The following LRRC7 variants were observed in gnomAD, a reference collection of about 807,000 sequenced individuals.
LRRC7 encodes leucine rich repeat containing 7, also known as leucine-rich repeat-containing protein 7.
A neutral mutation model predicts 175.7 loss-of-function variants in LRRC7; 23 were observed. The ratio of observed to expected loss-of-function variants is 0.13; its 90% CI spans 0.09 to 0.19. The LOEUF (loss-of-function observed/expected upper bound fraction) is 0.19, where lower values mean the gene tolerates loss of function less well. Among genes scored for constraint, LRRC7 ranks in the 10% least tolerant of loss-of-function variants. LRRC7 has a pLI of 1.00. For missense variants in LRRC7, 1,354 were observed against 1,904.7 expected (o/e 0.71, Z 5.38); for synonymous variants, 685 against 680.9 (o/e 1.01, Z -0.09).
At chr1:69,643,415 C>A (rs1247194418) in intron 1 of LRRC7, among the ~76,000 whole-genome samples, 1 of 152,086 alleles carries the variant, frequency 6.6e-6, no homozygotes, top group Non-Finnish European at 1.5e-5. Context: ...CAGAACCTGG[C>A]CAACTGCCAG....
At chr1:69,982,146 T>G (rs1265148534) in intron 9 of LRRC7, among the ~76,000 whole-genome samples, 1 of 152,206 alleles carries the variant, frequency 6.6e-6, no homozygotes, top group African/African-American at 2.4e-5. Context: ...CTCAATAAGT[T>G]TGTTATTTAA....
intron 2 of LRRC7, among the ~76,000 whole-genome samples, chr1:69,682,468 C>T (rs1346196866): frequency 6.6e-6 from 1 of 152,098 alleles, no homozygotes; most frequent in African/African-American, 2.4e-5. Flanking sequence ...TTTCAATGCT[C>T]ATCTTACTTG....
intron 22 of LRRC7, 151 bp downstream of exon 22, chr1:70,044,245 C>G: frequency 1.6e-6 from 1 of 625,672 alleles, no homozygotes; most frequent in Non-Finnish European, 2.6e-6. Flanking sequence ...AGAGCCTGAA[C>G]TCTTAGCCGC....
intron 2 of LRRC7, among the ~76,000 whole-genome samples, chr1:69,681,272 C>T (rs1015766074): frequency 3.3e-5 from 5 of 152,078 alleles, no homozygotes; most frequent in East Asian, 1.9e-4. Flanking sequence ...GTGCCACCTT[C>T]GAAAACTATC....
chr1:69,859,851 C>G (rs1684171258), intron 7 of LRRC7, among the ~76,000 whole-genome samples: 1 of 151,848 alleles, frequency 6.6e-6, no homozygotes, highest in African/African-American at 2.4e-5. Flanking sequence ...AGAACTTACT[C>G]AAATTAATTA....
chr1:70,035,403 G>C (rs1053656523), intron 18 of LRRC7, among the ~76,000 whole-genome samples: 1 of 151,920 alleles, frequency 6.6e-6, no homozygotes, highest in Admixed American at 6.6e-5. Flanking sequence ...AGTTATAGTC[G>C]TGTATCGATG....
intron 2 of LRRC7, among the ~76,000 whole-genome samples, chr1:69,685,395 C>G (rs1015463067): frequency 1.3e-5 from 2 of 152,048 alleles, no homozygotes; most frequent in Non-Finnish European, 1.5e-5. Flanking sequence ...GACCCCAATA[C>G]TAAGACAAAT....
At chr1:70,034,179 C>T (rs1294616029) in intron 18 of LRRC7, among the ~76,000 whole-genome samples, 1 of 152,058 alleles carries the variant, frequency 6.6e-6, no homozygotes, top group Non-Finnish European at 1.5e-5. Flanking sequence ...AAACTCATAT[C>T]TTCTTATAAA....
intron 7 of LRRC7, among the ~76,000 whole-genome samples, chr1:69,847,887 T>G (rs552250377): frequency 6.6e-5 from 10 of 152,268 alleles, no homozygotes; most frequent in African/African-American, 2.4e-4. Context: ...TGCTCACAGC[T>G]TTCAGAAGAC....
At chr1:69,979,399 C>G (rs980921146) in intron 8 of LRRC7, among the ~76,000 whole-genome samples, 1 of 152,038 alleles carries the variant, frequency 6.6e-6, no homozygotes, top group African/African-American at 2.4e-5. Context: ...GTCTGCTGCC[C>G]GAAGTTAGAA....
In LRRC7 at chr1:70,130,119, G is replaced by GT. The variant is rs956251987; in HGVS notation, c.*8238dup. ...CACTACCATATTAATTTTTTCTTATGTTTTTTAGTATCTTTCCCATTCTGC... is the reference window on the plus strand; with the variant it reads ...CACTACCATATTAATTTTTTCTTATGTTTTTTTAGTATCTTTCCCATTCTGC... On this transcript the variant is annotated 3_prime_UTR_variant, in exon 27 of 27. Transcript: ENST00000651989. 84 of 152,180 alleles carry GT rather than the reference G, an allele frequency of 5.5e-4. No homozygotes were observed. Among genetic ancestry groups the GT allele is most frequent in the African/African-American group, 2.0e-3 (83 of 41,516 alleles). The allele number at this position is 152,180 out of a possible 1,614,324, so 9.4% of individuals were successfully genotyped here.
chr1:69,745,183 T>C (rs2100871924), intron 2 of LRRC7, among the ~76,000 whole-genome samples: 1 of 152,032 alleles, frequency 6.6e-6, no homozygotes, highest in South Asian at 2.1e-4. Flanking sequence ...CAGTGAATGG[T>C]GAAAAAATAG....
rs1238531692 is a variant in LRRC7 at position 69,717,818 on chromosome 1, GAA to G, written c.100+39342_100+39343del. Among the ~76,000 whole-genome samples, 184 of 24,054 alleles carry G rather than the reference GAA, an allele frequency of 7.6e-3. 8 individuals are homozygous for G. The highest frequency in any genetic ancestry group is 0.034 in the Middle Eastern group (2 of 58). 15.8% of individuals were successfully genotyped at this position (24,054 alleles called of 152,430 possible). On this transcript the variant is annotated intron_variant, in intron 2 of 26. Coordinates refer to ENST00000651989, the MANE Select transcript of LRRC7 (RefSeq NM_001370785.2). ...AGAAAGAAAGAAAGAAAGAAAGAAA[GAA>G]AGAAAGAAAGAAAGAAAGAAAAAAG...
At chr1:70,069,080 TGTG>T (rs1432558414) in intron 23 of LRRC7, among the ~76,000 whole-genome samples, 1 of 152,174 alleles carries the variant, frequency 6.6e-6, no homozygotes, top group African/African-American at 2.4e-5. Flanking sequence ...TTGGATGAGT[TGTG>T]GTAGTTTGCT....
At chr1:69,745,816 A>C (rs1340679641) in intron 2 of LRRC7, among the ~76,000 whole-genome samples, 1 of 151,906 alleles carries the variant, frequency 6.6e-6, no homozygotes, top group Admixed American at 6.6e-5. Flanking sequence ...CTTTATTTCC[A>C]GATCATAGTA....
chr1:69,686,416 G>A (rs986763521), intron 2 of LRRC7, among the ~76,000 whole-genome samples: 1 of 152,146 alleles, frequency 6.6e-6, no homozygotes, highest in African/African-American at 2.4e-5. Flanking sequence ...CTGATGTGGT[G>A]CACATGTATG....
At chr1:70,075,552 T>C (rs1662711254) in intron 23 of LRRC7, among the ~76,000 whole-genome samples, 1 of 152,214 alleles carries the variant, frequency 6.6e-6, no homozygotes, top group South Asian at 2.1e-4. Flanking sequence ...TATCACATGA[T>C]TAATTTTTAA....
chr1:69,750,675 T>A (rs1669764254), intron 2 of LRRC7, among the ~76,000 whole-genome samples: 1 of 152,148 alleles, frequency 6.6e-6, no homozygotes, highest in South Asian at 2.1e-4. Context: ...GAGGGCCCAG[T>A]CTCCCCTTCC....
At chr1:69,876,704 G>A (rs1297936358) in intron 7 of LRRC7, among the ~76,000 whole-genome samples, 2 of 152,046 alleles carry the variant, frequency 1.3e-5, no homozygotes, top group African/African-American at 4.8e-5. Flanking sequence ...TTGTGCTTGG[G>A]CAAATTTTAG....
Sources: allele counts gnomAD v4.1 joint callset (sites outside exome capture counted in the v4.1 genomes callset), GRCh38; gene constraint gnomAD v4.1.1; transcripts MANE v1.5; gene names NCBI Gene and HGNC (gene_info 2026-07-23, HGNC 2026-07-21).